Variants in TUSC3 observed in about 807,000 individuals in gnomAD.
The protein encoded by TUSC3 is dolichyl-diphosphooligosaccharide--protein glycosyltransferase subunit TUSC3.
TUSC3 carries 45 observed loss-of-function variants against 44.8 expected under a neutral mutation model. That is an observed-to-expected ratio of 1.00 (90% confidence interval 0.79 to 1.29). The LOEUF is 1.29. TUSC3 is among the 50% of genes most tolerant of loss of function. TUSC3 has a pLI of 0.00. For synonymous variants in TUSC3, 212 were observed against 152.9 expected, an observed-to-expected ratio of 1.39 and a Z score of -2.85; for missense variants, 519 against 437.9, an observed-to-expected ratio of 1.19 and a Z score of -1.65.
chr8:15,713,051 A>T (rs1005167326), intron 6 of TUSC3, among the ~76,000 whole-genome samples: 2 of 152,202 alleles, frequency 1.3e-5, no homozygotes, highest in Non-Finnish European at 2.9e-5. Flanking sequence ...TGATGGCAAC[A>T]GTAAATATTT....
chr8:15,728,370 C>A (rs1255795964), intron 6 of TUSC3, among the ~76,000 whole-genome samples: 1 of 147,694 alleles, frequency 6.8e-6, no homozygotes, highest in Non-Finnish European at 1.5e-5. Context: ...CTAGTTCTTC[C>A]TGGTAGCGGT....
At chr8:15,773,791 A>C in the TUSC3 span, among the ~76,000 whole-genome samples, 3 of 152,134 alleles carry the variant, frequency 2.0e-5, no homozygotes, top group African/African-American at 7.2e-5. Flanking sequence ...CATACCCATA[A>C]CCTCTCTATT....
chr8:15,419,677 CTG>C (rs1799714119), intron 1 of TUSC3, among the ~76,000 whole-genome samples: 1 of 152,140 alleles, frequency 6.6e-6, no homozygotes, highest in Non-Finnish European at 1.5e-5. Flanking sequence ...TAAAATTTAA[CTG>C]AGAGTTTTAG....
chr8:15,624,117 T>TA (rs1240583931), intron 2 of TUSC3, among the ~76,000 whole-genome samples: 2 of 152,174 alleles, frequency 1.3e-5, no homozygotes, highest in Non-Finnish European at 2.9e-5. Flanking sequence ...CGTAATTCCC[T>TA]AAAAAAATAC....
At chr8:15,813,385 C>CAAAA in the TUSC3 span, among the ~76,000 whole-genome samples, 1 of 28,488 alleles carries the variant, frequency 3.5e-5, no homozygotes, top group Non-Finnish European at 7.4e-5. Flanking sequence ...AACAAACAAA[C>CAAAA]AAACAAAAAA....
chr8:15,563,679 C>A (rs1802560212), intron 1 of TUSC3, among the ~76,000 whole-genome samples: 1 of 79,328 alleles, frequency 1.3e-5, no homozygotes, highest in Non-Finnish European at 2.7e-5. Flanking sequence ...GAGTGAGCCT[C>A]CATCTCAAAA....
intron 2 of TUSC3, among the ~76,000 whole-genome samples, chr8:15,513,792 A>G (rs1446885628): frequency 6.6e-6 from 1 of 152,216 alleles, no homozygotes; most frequent in Non-Finnish European, 1.5e-5. Flanking sequence ...AAACTCTCAT[A>G]GGAGCCAACT....
At chr8:15,665,987 C>T (rs924342787) in intron 5 of TUSC3, among the ~76,000 whole-genome samples, 1 of 151,360 alleles carries the variant, frequency 6.6e-6, no homozygotes, top group South Asian at 2.1e-4. Context: ...TAAGCATATA[C>T]ATTACTTGCT....
At chr8:15,817,749 G>C in the TUSC3 span, among the ~76,000 whole-genome samples, 3 of 152,130 alleles carry the variant, frequency 2.0e-5, no homozygotes, top group African/African-American at 4.8e-5. Context: ...AAATTACCCA[G>C]TCTTGGGTAT....
chr8:15,829,140 A>C, the TUSC3 span, among the ~76,000 whole-genome samples: 1 of 152,064 alleles, frequency 6.6e-6, no homozygotes, highest in African/African-American at 2.4e-5. Context: ...TGGTATGTGC[A>C]CTACAATTGC....
At chr8:15,560,591 C>A (rs1272390665) in intron 1 of TUSC3, among the ~76,000 whole-genome samples, 18 of 139,394 alleles carry the variant, frequency 1.3e-4, no homozygotes, top group East Asian at 1.2e-3. Context: ...TAATATCCTG[C>A]AGAGTGTTTT....
At chr8:15,678,539 A>G (rs190775580) in intron 6 of TUSC3, among the ~76,000 whole-genome samples, 1 of 152,374 alleles carries the variant, frequency 6.6e-6, no homozygotes, top group Non-Finnish European at 1.5e-5. Context: ...TTAAGCCAAT[A>G]TCATATGTCT....
chr8:15,642,034 A>G (rs950658946), intron 2 of TUSC3, among the ~76,000 whole-genome samples: 7 of 152,208 alleles, frequency 4.6e-5, no homozygotes, highest in African/African-American at 1.2e-4. Context: ...TTAATATACC[A>G]GTTATACCTC....
At chr8:15,570,477 A>T (rs1198874929) in intron 1 of TUSC3, among the ~76,000 whole-genome samples, 1 of 152,172 alleles carries the variant, frequency 6.6e-6, no homozygotes, top group Non-Finnish European at 1.5e-5. Flanking sequence ...TGTGTGAATC[A>T]AAAGAGCTTG....
chr8:15,495,362 C>G (rs1800867804), intron 2 of TUSC3, among the ~76,000 whole-genome samples: 1 of 152,158 alleles, frequency 6.6e-6, no homozygotes, highest in African/African-American at 2.4e-5. Context: ...GGTGTTTTGT[C>G]AAATGCCAAT....
chr8:15,768,017 A>AT (rs1326040463), downstream of TUSC3, among the ~76,000 whole-genome samples: 2 of 152,208 alleles, frequency 1.3e-5, no homozygotes, highest in African/African-American at 4.8e-5. Context: ...AAGCTTTCAC[A>AT]TCTTGCTGAT....
At chr8:15,622,724 A>G (rs913440136) in intron 1 of TUSC3, among the ~76,000 whole-genome samples, 1 of 152,030 alleles carries the variant, frequency 6.6e-6, no homozygotes, top group Admixed American at 6.6e-5. Context: ...ATGTTTGGCT[A>G]GACTAGAGTA....
At chr8:15,509,784 A>G (rs1801107786) in intron 2 of TUSC3, among the ~76,000 whole-genome samples, 1 of 152,226 alleles carries the variant, frequency 6.6e-6, no homozygotes, top group African/African-American at 2.4e-5. Context: ...CTGGCCTAAT[A>G]CAATAATCTG....
intron 1 of TUSC3, among the ~76,000 whole-genome samples, chr8:15,591,655 G>T (rs1324219785): frequency 1.3e-5 from 2 of 152,144 alleles, no homozygotes; most frequent in Admixed American, 6.5e-5. Context: ...TTTTTGACTT[G>T]TGGAGTCCAC....
Sources: gnomAD v4.1 joint callset for allele counts (sites outside exome capture counted in the v4.1 genomes callset) on GRCh38, gnomAD v4.1.1 for gene constraint, MANE v1.5 for transcripts, NCBI Gene and HGNC (gene_info 2026-07-23, HGNC 2026-07-21) for gene names.